The following TSNARE1 variants were observed in gnomAD, a reference collection of about 807,000 sequenced individuals.
The protein encoded by TSNARE1 is t-SNARE domain containing 1, also known as t-SNARE domain-containing protein 1.
A neutral mutation model predicts 62.0 loss-of-function variants in TSNARE1; 49 were observed. That is an observed-to-expected ratio of 0.79 (90% CI 0.63 to 1.00). The LOEUF is 1.00. Among genes scored for constraint, TSNARE1 ranks in the 50% least tolerant of loss-of-function variants. The probability of loss-of-function intolerance (pLI) is 0.00; values close to 1 mark genes in which losing one functional copy is unlikely to be tolerated. For missense variants in TSNARE1, 755 were observed against 700.1 expected, an observed-to-expected ratio of 1.08 and a Z score of -0.88; for synonymous variants, 328 against 294.4, an observed-to-expected ratio of 1.11 and a Z score of -1.17.
intron 1 of TSNARE1, among the ~76,000 whole-genome samples, chr8:142,367,537 G>T (rs527325068): frequency 1.2e-4 from 18 of 151,944 alleles, no homozygotes; most frequent in African/African-American, 4.3e-4. Flanking sequence ...GGGGGAGGGG[G>T]ACTAGGGAGT....
At chr8:142,396,375 G>A (rs1468055439) in intron 1 of TSNARE1, among the ~76,000 whole-genome samples, 2 of 152,022 alleles carry the variant, frequency 1.3e-5, no homozygotes, top group Non-Finnish European at 2.9e-5. Context: ...AGCCTTATGG[G>A]AACAAGAATC....
chr8:142,406,396 G>A (rs1838584785), upstream of TSNARE1: 1 of 152,276 alleles, frequency 6.6e-6, no homozygotes, highest in African/African-American at 2.4e-5. Flanking sequence ...CAACAACGAT[G>A]GCTCCTTGCG....
At chr8:142,340,106 G>A (rs947769593) in intron 4 of TSNARE1, among the ~76,000 whole-genome samples, 3 of 152,204 alleles carry the variant, frequency 2.0e-5, no homozygotes, top group African/African-American at 4.8e-5. Context: ...GAAGGCGGAC[G>A]GCATCAGGAA....
At position 142,354,771 on chromosome 8, in the gene TSNARE1, A is replaced by G. The variant is rs909941267; in HGVS notation, c.-39-8T>C. ...AGCAGCCTCCACACTGAGCTGGAGG[A>G]AACACGAAAAGCAGGGGGAAGAGGG... On this transcript the variant is annotated splice_region_variant and splice_polypyrimidine_tract_variant and intron_variant, in intron 1 of 13. Transcript: ENST00000524325. 6.7e-6 allele frequency: 10 copies of G among 1,493,342 alleles called. No homozygotes were observed. The highest frequency in any genetic ancestry group is 9.3e-6 in the Non-Finnish European group (10 of 1,072,038). 92.5% of individuals were successfully genotyped at this position (1,493,342 alleles called of 1,614,324 possible). A position where few individuals can be genotyped will look rare whatever the true frequency, so the allele number is the denominator to read the frequency against.
chr8:142,380,755 A>G (rs1395722964), intron 1 of TSNARE1, among the ~76,000 whole-genome samples: 1 of 152,244 alleles, frequency 6.6e-6, no homozygotes, highest in African/African-American at 2.4e-5. Context: ...GCTCCAGGAA[A>G]GTCTGAGTGG....
chr8:142,268,653 A>G (rs574367090), intron 12 of TSNARE1, among the ~76,000 whole-genome samples: 1 of 152,336 alleles, frequency 6.6e-6, no homozygotes, highest in Admixed American at 6.5e-5. Flanking sequence ...AATGCAACGA[A>G]ATGTGGGCAT....
At position 142,220,350 on chromosome 8, in the gene TSNARE1, C is replaced by G. The variant is rs1444269131; in HGVS notation, c.*12-8037G>C. ...AGCACCCTCTGCTGCCCAGCTCTGC[C>G]TCCAGCCCACTTGCCAGATTCTGCC... On this transcript the variant is annotated intron_variant, in intron 13 of 13. Transcript: ENST00000524325. 2.6e-5 allele frequency among the ~76,000 whole-genome samples: 4 copies of G among 152,210 alleles called. No homozygotes were observed. In the East Asian group the frequency reaches 7.7e-4, roughly 29 times the overall value.
At chr8:142,222,727 C>T in intron 13 of TSNARE1, among the ~76,000 whole-genome samples, 1 of 138,872 alleles carries the variant, frequency 7.2e-6, no homozygotes, top group Non-Finnish European at 1.6e-5. Context: ...CACTCACTCA[C>T]TCATCCACTC....
chr8:142,216,544 C>T (rs866073767), intron 13 of TSNARE1, among the ~76,000 whole-genome samples: 2 of 152,160 alleles, frequency 1.3e-5, no homozygotes, highest in Non-Finnish European at 2.9e-5. Context: ...GTCGGCCTCC[C>T]GGCCTGGCAC....
chr8:142,328,793 TG>T (rs2131959735), intron 6 of TSNARE1, among the ~76,000 whole-genome samples: 1 of 78,120 alleles, frequency 1.3e-5, no homozygotes, highest in East Asian at 3.9e-4. Context: ...GACTCCAGCG[TG>T]GGGGTCTGTG....
intron 13 of TSNARE1, among the ~76,000 whole-genome samples, chr8:142,212,668 A>C (rs982256019): frequency 2.0e-5 from 3 of 151,844 alleles, no homozygotes; most frequent in Non-Finnish European, 4.4e-5. Context: ...CCCCAGGCCC[A>C]GTACAGCAGG....
chr8:142,333,273 G>T (rs12678826), intron 4 of TSNARE1, among the ~76,000 whole-genome samples: 1 of 152,094 alleles, frequency 6.6e-6, no homozygotes, highest in Non-Finnish European at 1.5e-5. Context: ...GGAAGCACGG[G>T]GGGCCGAGCT....
At chr8:142,244,718 G>A (rs1469211463) in intron 12 of TSNARE1, among the ~76,000 whole-genome samples, 1 of 152,224 alleles carries the variant, frequency 6.6e-6, no homozygotes, top group Non-Finnish European at 1.5e-5. Flanking sequence ...CGTTCCATAC[G>A]GAAGAGTAGC....
intron 9 of TSNARE1, among the ~76,000 whole-genome samples, chr8:142,310,092 C>G (rs1254068088): frequency 6.6e-6 from 1 of 151,892 alleles, no homozygotes; most frequent in African/African-American, 2.4e-5. Flanking sequence ...AACTGGTAAT[C>G]TGTATTTTCT....
At chr8:142,400,231 G>C (rs1009204267) in intron 1 of TSNARE1, among the ~76,000 whole-genome samples, 3 of 150,774 alleles carry the variant, frequency 2.0e-5, no homozygotes, top group African/African-American at 7.3e-5. Flanking sequence ...ATCACCTAAA[G>C]GTCAGTAGTT....
intron 12 of TSNARE1, chr8:142,273,915 C>T: frequency 1.0e-6 from 1 of 985,258 alleles, no homozygotes; most frequent in Non-Finnish European, 1.2e-6. Context: ...CCTGTGATGT[C>T]CTGGGCTCGT....
At chr8:142,272,168 T>A (rs1351362343) in intron 12 of TSNARE1, among the ~76,000 whole-genome samples, 1 of 140,578 alleles carries the variant, frequency 7.1e-6, no homozygotes, top group Admixed American at 7.0e-5. Flanking sequence ...TCCATCCGTC[T>A]ACTCACCCAT....
chr8:142,269,452 C>G, intron 12 of TSNARE1: 1 of 985,430 alleles, frequency 1.0e-6, no homozygotes, highest in Non-Finnish European at 1.2e-6. Context: ...ACACACACAG[C>G]CATACGAGGC....
chr8:142,387,492 G>A (rs947275671), intron 1 of TSNARE1, among the ~76,000 whole-genome samples: 3 of 151,822 alleles, frequency 2.0e-5, no homozygotes, highest in Non-Finnish European at 2.9e-5. Context: ...AATCTTGGAA[G>A]AAAAAATAAA....
Sources: allele counts gnomAD v4.1 joint callset (sites outside exome capture counted in the v4.1 genomes callset), GRCh38; gene constraint gnomAD v4.1.1; transcripts MANE v1.5; gene names NCBI Gene and HGNC (gene_info 2026-07-23, HGNC 2026-07-21).